KAZN: variants seen among roughly 807,000 people sequenced by gnomAD.
KAZN encodes kazrin, periplakin interacting protein.
Under a neutral mutation model 87.4 loss-of-function variants are expected in KAZN, and 40 were observed. The observed-to-expected ratio is 0.46, with a 90% CI of 0.36 to 0.60. The LOEUF (loss-of-function observed/expected upper bound fraction) is 0.60, where lower values mean the gene tolerates loss of function less well. Among genes scored for constraint, KAZN ranks in the 20% least tolerant of loss-of-function variants. KAZN has a pLI of 0.00. For synonymous variants in KAZN, 466 were observed against 458.3 expected (o/e 1.02, Z -0.22); for missense variants, 898 against 1,073.9 (o/e 0.84, Z 2.29).
intron 1 of KAZN, among the ~76,000 whole-genome samples, chr1:14,634,250 C>T (rs2148664061): frequency 6.6e-6 from 1 of 152,284 alleles, no homozygotes; most frequent in African/African-American, 2.4e-5. Context: ...CCCCAAGAAC[C>T]CTGTCCCCAC....
chr1:15,094,803 T>C lies in KAZN; in HGVS notation c.1429-12T>C. ...GTCCCAGCCCCCATATGACACTCCC[T>C]CCCGGGGGCAGGTGCTGCTGAGCCT... On this transcript the variant is annotated splice_polypyrimidine_tract_variant and intron_variant, in intron 9 of 14. Coordinates refer to ENST00000376030, the MANE Select transcript of KAZN (RefSeq NM_201628.3). This position sits in a 1 kb window ranked among gnomAD's most constrained non-coding sequence, Gnocchi z 4.5. 1.3e-6 allele frequency: 2 copies of C among 1,542,684 alleles called. No individual in the cohort carries two copies. Among genetic ancestry groups the C allele is most frequent in the Non-Finnish European group, 1.8e-6 (2 of 1,140,412 alleles).
rs144481903 is a variant in KAZN at position 14,040,161 on chromosome 1, G to A, written c.92-140274G>A. Among the ~76,000 whole-genome samples, 676 of 152,084 alleles carry A rather than the reference G, an allele frequency of 4.4e-3. 2 individuals are homozygous for A. The highest frequency in any genetic ancestry group is 7.1e-3 in the Admixed American group (108 of 15,256). On this transcript the variant is annotated intron_variant, in intron 1 of 16. Coordinates refer to the KAZN transcript ENST00000636203. The stretch of plus-strand genomic sequence containing the variant: ...ATATTTTTAACTGGAGGGATTTCAT[G>A]TTTACCTGGCTCAGGCAATAAACCC...
intron 1 of KAZN, among the ~76,000 whole-genome samples, chr1:13,982,566 C>A (rs968497491): frequency 1.3e-5 from 2 of 152,196 alleles, no homozygotes; most frequent in African/African-American, 4.8e-5. Flanking sequence ...ACTGCTGGCT[C>A]GGGCAGCCTG....
intron 1 of KAZN, among the ~76,000 whole-genome samples, chr1:14,133,580 G>T (rs1244784988): frequency 6.6e-6 from 1 of 152,020 alleles, no homozygotes; most frequent in East Asian, 1.9e-4. Context: ...AATCCTGAAT[G>T]ACCTCTGTGG....
At chr1:14,932,449 G>T (rs892630657) in intron 1 of KAZN, among the ~76,000 whole-genome samples, 11 of 152,182 alleles carry the variant, frequency 7.2e-5, no homozygotes, top group African/African-American at 2.2e-4. Flanking sequence ...GGGAGGTTTC[G>T]AGGAGAGCCT....
intron 2 of KAZN, among the ~76,000 whole-genome samples, chr1:14,354,037 A>G (rs557486587): frequency 1.4e-3 from 214 of 152,354 alleles, no homozygotes; most frequent in African/African-American, 4.9e-3. Context: ...AAGTTATGGT[A>G]ATCACAACAG....
At chr1:14,992,876 T>C (rs549701405) in intron 2 of KAZN, among the ~76,000 whole-genome samples, 1 of 152,032 alleles carries the variant, frequency 6.6e-6, no homozygotes, top group Non-Finnish European at 1.5e-5. Context: ...ACTCCTGGAC[T>C]CAAGCGATCC....
At chr1:14,778,393 GAAAA>G (rs34655175) in intron 1 of KAZN, among the ~76,000 whole-genome samples, 2 of 136,400 alleles carry the variant, frequency 1.5e-5, no homozygotes, top group East Asian at 2.2e-4. Context: ...TAACCCTTAA[GAAAA>G]AAAAAAAAAA....
At chr1:14,409,999 G>C (rs1232075122) in intron 2 of KAZN, among the ~76,000 whole-genome samples, 1 of 152,112 alleles carries the variant, frequency 6.6e-6, no homozygotes. Context: ...ACAATCAGCT[G>C]GAAGATAGAT....
intron 1 of KAZN, among the ~76,000 whole-genome samples, chr1:14,013,120 AC>A (rs1453407712): frequency 4.6e-5 from 7 of 152,118 alleles, no homozygotes; most frequent in African/African-American, 1.7e-4. Flanking sequence ...CTTTTCCGGA[AC>A]CTGCATCCTC....
At chr1:14,018,595 T>C (rs1266531401) in intron 1 of KAZN, among the ~76,000 whole-genome samples, 1 of 152,170 alleles carries the variant, frequency 6.6e-6, no homozygotes, top group East Asian at 1.9e-4. Flanking sequence ...GAGATTGGCA[T>C]GTGAGTTGGT....
intron 1 of KAZN, among the ~76,000 whole-genome samples, chr1:14,947,361 G>A (rs1661941996): frequency 6.6e-6 from 1 of 152,196 alleles, no homozygotes; most frequent in Non-Finnish European, 1.5e-5. Context: ...GCCACCCGGG[G>A]CTTGCTGTCC....
intron 1 of KAZN, among the ~76,000 whole-genome samples, chr1:14,857,593 T>C (rs2101005964): frequency 6.6e-6 from 1 of 152,270 alleles, no homozygotes; most frequent in East Asian, 1.9e-4. Context: ...CCTCCTTGGA[T>C]ACTCTGAGGC....
At chr1:14,657,822 C>A (rs1409539914) in intron 1 of KAZN, among the ~76,000 whole-genome samples, 1 of 151,332 alleles carries the variant, frequency 6.6e-6, no homozygotes, top group Non-Finnish European at 1.5e-5. Flanking sequence ...GAAATTCTCC[C>A]TGTCTCCTGC....
chr1:14,687,442 G>A (rs1367612412), intron 1 of KAZN, among the ~76,000 whole-genome samples: 1 of 152,238 alleles, frequency 6.6e-6, no homozygotes, highest in Non-Finnish European at 1.5e-5. Context: ...AGTAAAGAAG[G>A]ATATGCATAG....
chr1:14,922,060 C>T (rs577652360), intron 1 of KAZN, among the ~76,000 whole-genome samples: 1 of 152,320 alleles, frequency 6.6e-6, no homozygotes, highest in South Asian at 2.1e-4. Context: ...GCACATGTCT[C>T]TATCAAAAGT....
chr1:14,707,016 A>T (rs1209919671), intron 1 of KAZN, among the ~76,000 whole-genome samples: 1 of 152,172 alleles, frequency 6.6e-6, no homozygotes, highest in Non-Finnish European at 1.5e-5. Context: ...TCTCCCGGAA[A>T]CTTCAGAGGC....
chr1:14,705,079 G>T (rs937402471), intron 1 of KAZN, among the ~76,000 whole-genome samples: 2 of 152,182 alleles, frequency 1.3e-5, no homozygotes, highest in African/African-American at 4.8e-5. Flanking sequence ...TCCGGAGGCT[G>T]AAGGTCCAAG....
At chr1:15,101,859 C>A in intron 11 of KAZN, 85 bp downstream of exon 11, 1 of 847,732 alleles carries the variant, frequency 1.2e-6, no homozygotes, top group South Asian at 1.6e-5. Flanking sequence ...TCTGTCCACC[C>A]ACTACCCGTC....
Sources: allele counts gnomAD v4.1 joint callset (sites outside exome capture counted in the v4.1 genomes callset), GRCh38; gene constraint gnomAD v4.1.1; non-coding constraint Gnocchi (gnomAD v3.1); transcripts MANE v1.5; gene names NCBI Gene and HGNC (gene_info 2026-07-23, HGNC 2026-07-21).